Variants in IGSF11 observed in about 807,000 individuals in gnomAD.
IGSF11 encodes the protein CXADR like 1.
IGSF11 carries 22 observed loss-of-function variants against 41.0 expected under a neutral mutation model. The ratio of observed to expected loss-of-function variants is 0.54; its 90% CI spans 0.38 to 0.77. The LOEUF is 0.77. IGSF11 is among the 30% of genes least tolerant of loss of function. IGSF11 has a pLI of 0.00. For missense variants in IGSF11, 444 were observed against 530.8 expected, an observed-to-expected ratio of 0.84 and a Z score of 1.61; for synonymous variants, 219 against 201.3, an observed-to-expected ratio of 1.09 and a Z score of -0.74.
chr3:119,091,335 C>T (rs1402818021), intron 1 of IGSF11, among the ~76,000 whole-genome samples: 1 of 152,172 alleles, frequency 6.6e-6, no homozygotes, highest in Non-Finnish European at 1.5e-5. Context: ...CCATTTGACC[C>T]AGCAATCCTA....
intron 1 of IGSF11, among the ~76,000 whole-genome samples, chr3:119,088,804 T>C (rs893946680): frequency 3.3e-5 from 5 of 152,066 alleles, no homozygotes; most frequent in African/African-American, 1.2e-4. Flanking sequence ...CCTCAGAGAC[T>C]CCTATGAACA....
intron 1 of IGSF11, among the ~76,000 whole-genome samples, chr3:118,945,361 A>G (rs1204208104): frequency 6.6e-6 from 1 of 152,210 alleles, no homozygotes; most frequent in African/African-American, 2.4e-5. Flanking sequence ...AGTTACTCTT[A>G]AGCATATATT....
chr3:119,063,575 A>C (rs1481026130), intron 1 of IGSF11, among the ~76,000 whole-genome samples: 1 of 152,222 alleles, frequency 6.6e-6, no homozygotes, highest in Non-Finnish European at 1.5e-5. Flanking sequence ...TTTTAGTCCC[A>C]TGCAAAAATA....
chr3:118,902,564 G>C lies in IGSF11; in HGVS notation c.1252C>G (p.Pro418Ala). The C allele has an allele frequency of 6.2e-7, 1 of 1,613,488 alleles. No individual in the cohort carries two copies. Among genetic ancestry groups the C allele is most frequent in the East Asian group, 2.2e-5 (1 of 44,820 alleles). ...CGACTCTGGGCTGGTACCATGACAG[G>C]TACTGCACCAATTCGTTCCAGTGTT... Reference protein sequence around the residue: ...HATLERIGAVPVMVPAQSRAG... With the variant: ...HATLERIGAVAVMVPAQSRAG... The change falls in exon 7 of 7, where the codon CCT becomes GCT. Residue 418 changes from proline (P) to alanine (A), a missense_variant. This residue lies in a region of IGSF11 where 223 missense variants were observed against 226.2 expected (regional missense o/e 0.99). Coordinates refer to ENST00000393775, the MANE Select transcript of IGSF11 (RefSeq NM_001015887.3).
intron 1 of IGSF11, among the ~76,000 whole-genome samples, chr3:118,953,913 C>T (rs1339416091): frequency 1.3e-5 from 2 of 152,034 alleles, no homozygotes; most frequent in African/African-American, 4.8e-5. Flanking sequence ...TAATTAAGTC[C>T]CATCTATTTA....
At chr3:119,046,075 A>C (rs1290517563) in intron 1 of IGSF11, among the ~76,000 whole-genome samples, 1 of 151,604 alleles carries the variant, frequency 6.6e-6, no homozygotes, top group Non-Finnish European at 1.5e-5. Context: ...GAAACTCTAA[A>C]AATCAGAGCG....
intron 1 of IGSF11, among the ~76,000 whole-genome samples, chr3:119,073,210 G>A (rs2076430827): frequency 6.6e-6 from 1 of 152,188 alleles, no homozygotes; most frequent in African/African-American, 2.4e-5. Flanking sequence ...TAGATACAGA[G>A]TGCTGATTGG....
upstream of IGSF11, among the ~76,000 whole-genome samples, chr3:119,108,078 T>A (rs2077068411): frequency 6.6e-6 from 1 of 151,340 alleles, no homozygotes; most frequent in South Asian, 2.1e-4. Flanking sequence ...CGGGCTCTTT[T>A]TTGGTTCCAT....
At chr3:119,104,028 C>T (rs954215882) in intron 1 of IGSF11, among the ~76,000 whole-genome samples, 1 of 152,002 alleles carries the variant, frequency 6.6e-6, no homozygotes, top group Non-Finnish European at 1.5e-5. Context: ...TTTGTTCTTA[C>T]CTTGGATTGA....
intron 1 of IGSF11, among the ~76,000 whole-genome samples, chr3:119,041,668 T>C (rs1466705126): frequency 6.6e-6 from 1 of 152,152 alleles, no homozygotes; most frequent in South Asian, 2.1e-4. Context: ...ATGTGAATAA[T>C]TTTCTGCCAA....
intron 1 of IGSF11, among the ~76,000 whole-genome samples, chr3:119,017,384 A>G (rs561547725): frequency 6.6e-6 from 1 of 152,322 alleles, no homozygotes; most frequent in South Asian, 2.1e-4. Context: ...ACATGATGGT[A>G]AATATGTGTA....
intron 1 of IGSF11, among the ~76,000 whole-genome samples, chr3:119,100,478 C>T (rs562278645): frequency 1.8e-4 from 28 of 152,290 alleles, no homozygotes; most frequent in African/African-American, 6.5e-4. Flanking sequence ...GAGATGATGA[C>T]AATTTGTCAT....
intron 1 of IGSF11, among the ~76,000 whole-genome samples, chr3:119,132,806 A>G (rs1303304476): frequency 1.3e-5 from 2 of 152,204 alleles, no homozygotes; most frequent in Non-Finnish European, 2.9e-5. Flanking sequence ...AATTGACCAC[A>G]TACTTGGAAG....
rs1337100217 is a variant in IGSF11 at position 118,902,792 on chromosome 3, C to T, written c.1024G>A (p.Gly342Ser). The T allele has an allele frequency of 1.2e-6, 2 of 1,614,116 alleles. No individual in the cohort carries two copies. Among genetic ancestry groups the T allele is most frequent in the Admixed American group, 3.3e-5 (2 of 60,010 alleles). ...CCTGAGTGGAAAGAGAAAGATTGGC[C>T]CAAGTCACTGAAGTGGCTGACTGAC... ...TESVSHFSDL[G>S]QSFSFHSGNA... Residue 342 changes from glycine to serine, a missense_variant, in exon 7 of 7, where the codon GGC (glycine) becomes AGC (serine). Transcript: ENST00000393775.
chr3:119,105,358 T>C, upstream of IGSF11: 1 of 566,946 alleles, frequency 1.8e-6, no homozygotes, highest in East Asian at 3.0e-5. Context: ...GGAAACCATT[T>C]CATCAGACCA....
In IGSF11 at chr3:118,902,670, T is replaced by C. The variant is rs1468102533; in HGVS notation, c.1146A>G (p.Pro382=). 1.2e-6 allele frequency: 2 copies of C among 1,614,044 alleles called. No homozygotes were observed. The highest frequency in any genetic ancestry group is 2.2e-5 in the South Asian group (2 of 91,084). The change falls in exon 7 of 7, where the codon CCA becomes CCG. Residue 382 remains proline (P), a synonymous_variant. Coordinates refer to ENST00000393775, the MANE Select transcript of IGSF11 (RefSeq NM_001015887.3). ...LVVTANRGSS[P]QVMSRSNGSV... is the part of the protein sequence containing the mutation. ...AGCCATTGCTCCTGGACATCACCTG[T>C]GGTGATGACCCTCTGTTGGCTGTCA... is the stretch of plus-strand genomic sequence containing the variant.
chr3:119,096,976 A>G (rs1195713610), intron 1 of IGSF11, among the ~76,000 whole-genome samples: 2 of 152,082 alleles, frequency 1.3e-5, no homozygotes, highest in African/African-American at 4.8e-5. Context: ...TTTGGTACCA[A>G]GTTTTTCTCA....
intron 1 of IGSF11, among the ~76,000 whole-genome samples, chr3:119,063,761 G>A (rs1942129848): frequency 6.6e-6 from 1 of 152,206 alleles, no homozygotes; most frequent in Non-Finnish European, 1.5e-5. Flanking sequence ...CAAATCAGAG[G>A]ATACTACATA....
intron 1 of IGSF11, among the ~76,000 whole-genome samples, chr3:119,118,724 C>T (rs1175507129): frequency 6.6e-6 from 1 of 152,170 alleles, no homozygotes; most frequent in African/African-American, 2.4e-5. Flanking sequence ...GCAAATTTTC[C>T]AAACTTTTAT....
Sources: gnomAD v4.1 joint callset for allele counts (sites outside exome capture counted in the v4.1 genomes callset) on GRCh38, gnomAD v4.1.1 for gene constraint, gnomAD v4.1.1 regional missense constraint, MANE v1.5 for transcripts, NCBI Gene and HGNC (gene_info 2026-07-23, HGNC 2026-07-21) for gene names.